DLC1: variants seen among roughly 807,000 people sequenced by gnomAD.
DLC1 encodes rho GTPase-activating protein 7.
DLC1 carries 54 observed loss-of-function variants against 140.3 expected under a neutral mutation model. That is an observed-to-expected ratio of 0.38 (90% CI 0.31 to 0.48). DLC1 has a LOEUF of 0.48. Among genes scored for constraint, DLC1 ranks in the 20% least tolerant of loss-of-function variants. The pLI, the probability that DLC1 is intolerant of heterozygous loss-of-function variation, is 0.96. For synonymous variants in DLC1, 986 were observed against 728.1 expected (o/e 1.35, Z -5.70); for missense variants, 2,536 against 1,907.0 (o/e 1.33, Z -6.14).
At chr8:13,482,429 A>C in intron 2 of DLC1, among the ~76,000 whole-genome samples, 1 of 132,140 alleles carries the variant, frequency 7.6e-6, no homozygotes, top group Non-Finnish European at 1.7e-5. Context: ...AAAATAGTTG[A>C]TGAATAGAGC....
intron 4 of DLC1, among the ~76,000 whole-genome samples, chr8:13,369,073 C>T (rs568574658): frequency 3.4e-4 from 52 of 152,270 alleles, no homozygotes; most frequent in African/African-American, 1.2e-3. Context: ...CTGATTGCCT[C>T]AGCCTTTGAT....
At chr8:13,574,304 G>A (rs1460127179) in intron 1 of DLC1, among the ~76,000 whole-genome samples, 1 of 152,172 alleles carries the variant, frequency 6.6e-6, no homozygotes, top group African/African-American at 2.4e-5. Context: ...ACAGTTTCAA[G>A]TAGAAAGTTA....
intron 1 of DLC1, among the ~76,000 whole-genome samples, chr8:13,561,597 G>A (rs1307425014): frequency 2.0e-5 from 3 of 152,052 alleles, no homozygotes; most frequent in African/African-American, 7.2e-5. Context: ...TAATTGGAAA[G>A]TTTGTTCTTT....
At chr8:13,349,398 GAA>G (rs1834529209) in intron 4 of DLC1, among the ~76,000 whole-genome samples, 1 of 151,930 alleles carries the variant, frequency 6.6e-6, no homozygotes, top group Admixed American at 6.5e-5. Flanking sequence ...ATGGAAGAAA[GAA>G]AGAAAAAAAC....
intron 1 of DLC1, among the ~76,000 whole-genome samples, chr8:13,549,456 A>G (rs1254296658): frequency 6.6e-6 from 1 of 152,148 alleles, no homozygotes; most frequent in Non-Finnish European, 1.5e-5. Flanking sequence ...AACTGCTTCA[A>G]CCCTCCAATT....
At chr8:13,458,639 C>G (rs960911119) in intron 2 of DLC1, among the ~76,000 whole-genome samples, 2 of 152,122 alleles carry the variant, frequency 1.3e-5, no homozygotes, top group Non-Finnish European at 2.9e-5. Flanking sequence ...TATGAAATCA[C>G]AAATGTTGCT....
intron 1 of DLC1, among the ~76,000 whole-genome samples, chr8:13,502,341 C>T (rs1199892717): frequency 6.6e-6 from 1 of 152,126 alleles, no homozygotes; most frequent in Non-Finnish European, 1.5e-5. Context: ...CAAATCATTT[C>T]TGTAAGTGTA....
chr8:13,442,380 T>C (rs1018549765), intron 2 of DLC1, among the ~76,000 whole-genome samples: 4 of 152,198 alleles, frequency 2.6e-5, no homozygotes, highest in Non-Finnish European at 5.9e-5. Context: ...AAGGAGCTTC[T>C]GCACAGCAAA....
At chr8:13,340,057 G>T (rs1231076106) in intron 4 of DLC1, 2 of 152,208 alleles carry the variant, frequency 1.3e-5, no homozygotes, top group African/African-American at 4.8e-5. Flanking sequence ...CATTCTGAGT[G>T]GGGTGGGCTT....
At chr8:13,305,044 C>T (rs1832362563) in intron 5 of DLC1, 2 of 1,168,502 alleles carry the variant, frequency 1.7e-6, no homozygotes, top group South Asian at 3.8e-5. Context: ...AGGAAGACCC[C>T]AAGAAACACA....
At chr8:13,318,571 C>T (rs1240177732) in intron 4 of DLC1, among the ~76,000 whole-genome samples, 5 of 152,086 alleles carry the variant, frequency 3.3e-5, no homozygotes, top group African/African-American at 1.2e-4. Context: ...TATCCTTTAC[C>T]ATAGATAACA....
At chr8:13,508,598 T>G (rs1242096161) in intron 1 of DLC1, among the ~76,000 whole-genome samples, 1 of 152,038 alleles carries the variant, frequency 6.6e-6, no homozygotes, top group East Asian at 1.9e-4. Context: ...TTTTGTATTT[T>G]TAGTAGAGAC....
In DLC1 at chr8:13,592,130, C is replaced by A. The variant is rs141183422; in HGVS notation, c.-126+12407G>T. The stretch of plus-strand genomic sequence containing the variant: ...TCCAGCGTTTAGAATTTAAAGAGAG[C>A]AAGGGGCCTGAGCAAGTAGAAGAAG... On this transcript the variant is annotated intron_variant, in intron 1 of 1. Transcript: ENST00000631382. Among the ~76,000 whole-genome samples, 1,471 of 152,032 alleles carry A rather than the reference C, an allele frequency of 9.7e-3. 21 individuals are homozygous for A. Among genetic ancestry groups the A allele is most frequent in the African/African-American group, 0.033 (1,386 of 41,484 alleles).
At chr8:13,566,967 G>A in intron 1 of DLC1, 6 of 1,521,108 alleles carry the variant, frequency 3.9e-6, no homozygotes, top group Non-Finnish European at 1.8e-6. Flanking sequence ...CAAAGGAGAT[G>A]AGGAGCCGAG....
intron 5 of DLC1, among the ~76,000 whole-genome samples, chr8:13,151,011 G>A (rs955807243): frequency 8.5e-5 from 13 of 152,208 alleles, no homozygotes; most frequent in African/African-American, 3.1e-4. Flanking sequence ...TCTACAGATG[G>A]AACAGGGTAG....
intron 5 of DLC1, among the ~76,000 whole-genome samples, chr8:13,273,836 C>A (rs1244758744): frequency 1.3e-5 from 2 of 151,696 alleles, no homozygotes; most frequent in African/African-American, 4.8e-5. Context: ...TATCCCACGA[C>A]CAAACCCTTT....
At chr8:13,172,014 A>G (rs1479535182) in intron 5 of DLC1, among the ~76,000 whole-genome samples, 1 of 152,224 alleles carries the variant, frequency 6.6e-6, no homozygotes, top group Non-Finnish European at 1.5e-5. Context: ...GTACATCTAC[A>G]CGCCATCACT....
At chr8:13,266,990 T>C (rs1225334435) in intron 5 of DLC1, among the ~76,000 whole-genome samples, 2 of 152,180 alleles carry the variant, frequency 1.3e-5, no homozygotes, top group African/African-American at 4.8e-5. Flanking sequence ...TCTTCATTGG[T>C]TTACCAACTC....
chr8:13,403,349 G>A (rs1301699831), intron 2 of DLC1, among the ~76,000 whole-genome samples: 1 of 152,150 alleles, frequency 6.6e-6, no homozygotes, highest in Non-Finnish European at 1.5e-5. Context: ...AAGTGTTATT[G>A]ATAGTATGAT....
Sources: gnomAD v4.1 joint callset for allele counts (sites outside exome capture counted in the v4.1 genomes callset) on GRCh38, gnomAD v4.1.1 for gene constraint, MANE v1.5 for transcripts, NCBI Gene and HGNC (gene_info 2026-07-23, HGNC 2026-07-21) for gene names.